PCDHA6: variants seen among roughly 807,000 people sequenced by gnomAD.
PCDHA6 encodes the protein protocadherin alpha 6, also known as protocadherin alpha-6.
A neutral mutation model predicts 60.3 loss-of-function variants in PCDHA6; 55 were observed. That is an observed-to-expected ratio of 0.91 (90% CI 0.73 to 1.14). The LOEUF (loss-of-function observed/expected upper bound fraction) is 1.14, where lower values mean the gene tolerates loss of function less well. Among genes scored for constraint, PCDHA6 ranks in the 50% most tolerant of loss-of-function variants. The pLI is 0.00. For missense variants in PCDHA6, 1,327 were observed against 1,256.5 expected (o/e 1.06, Z -0.85); for synonymous variants, 652 against 557.9 (o/e 1.17, Z -2.38).
Position 141,003,903 on chromosome 5 carries a change from G to C in PCDHA6, c.2543-5724G>C, listed in dbSNP as rs150270772. Among the ~76,000 whole-genome samples, 254 of 152,194 alleles carry C rather than the reference G, an allele frequency of 1.7e-3. 1 individual carries two copies. Among genetic ancestry groups the C allele is most frequent in the Non-Finnish European group, 3.4e-3 (231 of 67,998 alleles). ...AGCCTCTTAACAGGCCCATTCATTT[G>C]GGTCTTGACTGCATCCTCAGTCTTG... On this transcript the variant is annotated intron_variant, in intron 3 of 3. Coordinates refer to ENST00000529310, the MANE Select transcript of PCDHA6 (RefSeq NM_018909.4).
intron 1 of PCDHA6, among the ~76,000 whole-genome samples, chr5:140,913,922 A>G (rs2076507888): frequency 6.6e-6 from 1 of 151,936 alleles, no homozygotes; most frequent in South Asian, 2.1e-4. Context: ...ATTTTACTTC[A>G]TTGTGGTCAG....
intron 1 of PCDHA6, chr5:140,863,222 A>C: frequency 9.0e-7 from 1 of 1,110,392 alleles, no homozygotes; most frequent in Non-Finnish European, 1.3e-6. Flanking sequence ...CAAGCGAGGA[A>C]GGTCCCATCG....
At chr5:140,898,371 G>A (rs13156913) in intron 1 of PCDHA6, among the ~76,000 whole-genome samples, 3 of 152,142 alleles carry the variant, frequency 2.0e-5, no homozygotes, top group African/African-American at 7.2e-5. Flanking sequence ...TTTGTATAAG[G>A]TGTAAGGAAG....
At chr5:140,848,690 G>T in intron 1 of PCDHA6, 2 of 1,592,462 alleles carry the variant, frequency 1.3e-6, no homozygotes, top group Non-Finnish European at 1.7e-6. Context: ...GCCTGTTCCA[G>T]TTGGATTCCA....
intron 1 of PCDHA6, chr5:140,871,327 C>A: frequency 6.2e-7 from 1 of 1,614,102 alleles, no homozygotes; most frequent in Non-Finnish European, 8.5e-7. Flanking sequence ...GGTGTGCTCC[C>A]GCGCGGTGGG....
chr5:140,944,569 G>A (rs2093670092), intron 1 of PCDHA6, among the ~76,000 whole-genome samples: 1 of 152,158 alleles, frequency 6.6e-6, no homozygotes, highest in African/African-American at 2.4e-5. Context: ...GCAACTTACT[G>A]TAGAGATCAC....
chr5:140,841,813 T>C (rs2150323306), intron 1 of PCDHA6: 1 of 1,613,920 alleles, frequency 6.2e-7, no homozygotes, highest in Non-Finnish European at 8.5e-7. Context: ...ATGTTGGAGC[T>C]AACTCCGTGT....
chr5:140,926,698 C>G, intron 1 of PCDHA6: 2 of 787,702 alleles, frequency 2.5e-6, no homozygotes, highest in Non-Finnish European at 3.6e-6. Context: ...AAGCCCGGCT[C>G]CCAGCTGGCC....
intron 1 of PCDHA6, chr5:140,856,728 T>C: frequency 6.3e-7 from 1 of 1,595,848 alleles, no homozygotes. Context: ...TCTGTTTCTC[T>C]GCTGATCCTG....
chr5:140,877,092 C>G (rs200462899), intron 1 of PCDHA6: 46 of 1,613,110 alleles, frequency 2.9e-5, no homozygotes, highest in African/African-American at 6.7e-5. Flanking sequence ...CGCGCGACGC[C>G]GGCGTGCCGC....
At position 140,836,457 on chromosome 5, in the gene PCDHA6, G is replaced by T. The variant is rs2150261358; in HGVS notation, c.2394+5972G>T. The stretch of plus-strand genomic sequence containing the variant: ...GTTGGGCATTGCAGGCCCAGAGACC[G>T]AGCTGGTGGATGTCAACGTGTACCT... On this transcript the variant is annotated intron_variant, in intron 1 of 3. Coordinates refer to ENST00000529310, the MANE Select transcript of PCDHA6 (RefSeq NM_018909.4). The T allele has an allele frequency of 1.5e-5, 25 of 1,613,812 alleles. No homozygotes were observed. The African/African-American group carries it at 3.1e-4, about 20-fold the overall frequency.
intron 1 of PCDHA6, chr5:140,852,235 C>A: frequency 1.8e-6 from 1 of 570,324 alleles, no homozygotes; most frequent in Non-Finnish European, 2.3e-6. Flanking sequence ...TAAATTTTCC[C>A]TTAAAACACA....
chr5:140,875,100 G>A (rs558585314), intron 1 of PCDHA6, among the ~76,000 whole-genome samples: 2 of 152,240 alleles, frequency 1.3e-5, no homozygotes, highest in Admixed American at 6.5e-5. Context: ...TTGATGTTTT[G>A]TTACTAATAT....
chr5:140,878,567 G>T (rs562054144), intron 1 of PCDHA6, among the ~76,000 whole-genome samples: 1 of 152,268 alleles, frequency 6.6e-6, no homozygotes, highest in Non-Finnish European at 1.5e-5. Flanking sequence ...ACTTATCATA[G>T]TATACCACTG....
At chr5:140,967,780 T>C in intron 1 of PCDHA6, 1 of 1,614,214 alleles carries the variant, frequency 6.2e-7, no homozygotes, top group Non-Finnish European at 8.5e-7. Context: ...TGCAGGCGAC[T>C]GACCGGGGTC....
Position 140,829,401 on chromosome 5 carries a change from C to T in PCDHA6, c.1310C>T (p.Ala437Val), listed in dbSNP as rs2150167195. Residue 437 changes from alanine to valine, a missense_variant, in exon 1 of 4, where the codon GCC (alanine) becomes GTC (valine). Physicochemically the swap from Ala to Val is moderately conservative, Grantham distance 64. Coordinates refer to ENST00000529310, the MANE Select transcript of PCDHA6 (RefSeq NM_018909.4). The part of the protein sequence containing the change: ...ARDGGSPSLW[A>V]TASLSVEVAD... Reference sequence around the variant, plus strand: ...GACGGGGGCTCGCCTTCGCTGTGGGCCACCGCCAGCTTGTCTGTGGAGGTG... The same window carrying T: ...GACGGGGGCTCGCCTTCGCTGTGGGTCACCGCCAGCTTGTCTGTGGAGGTG... 15 of 1,614,092 alleles carry T rather than the reference C, an allele frequency of 9.3e-6. No individual in the cohort carries two copies. The highest frequency in any genetic ancestry group is 1.3e-5 in the Non-Finnish European group (15 of 1,180,022).
At chr5:140,975,154 G>C (rs73268051) in intron 1 of PCDHA6, among the ~76,000 whole-genome samples, 1,571 of 152,266 alleles carry the variant, frequency 0.01, 23 homozygotes, top group African/African-American at 0.036. Flanking sequence ...TCAGTTCCTA[G>C]AGAACTGAGG....
chr5:140,968,285 T>A, intron 1 of PCDHA6: 1 of 1,614,006 alleles, frequency 6.2e-7, no homozygotes, highest in Non-Finnish European at 8.5e-7. Flanking sequence ...GGTGACCTAC[T>A]CCCTTCTGGA....
At chr5:141,003,081 T>C (rs2098110268) in intron 3 of PCDHA6, among the ~76,000 whole-genome samples, 1 of 152,238 alleles carries the variant, frequency 6.6e-6, no homozygotes, top group Admixed American at 6.5e-5. Context: ...AGGGTGAGTT[T>C]AACAGGCCTG....
Sources: gnomAD v4.1 joint callset for allele counts (sites outside exome capture counted in the v4.1 genomes callset) on GRCh38, gnomAD v4.1.1 for gene constraint, MANE v1.5 for transcripts, NCBI Gene and HGNC (gene_info 2026-07-23, HGNC 2026-07-21) for gene names.